Variants in EXOC4 observed in about 807,000 individuals in gnomAD.
EXOC4 encodes exocyst complex component 4.
In EXOC4, 71 loss-of-function variants were observed where a neutral mutation model predicts 107.2. That is an observed-to-expected ratio of 0.66 (90% CI 0.55 to 0.81). The LOEUF is 0.81. Ranked by LOEUF, EXOC4 falls within the 30% of genes least tolerant of loss-of-function variation. The pLI is 0.00. For missense variants in EXOC4, 1,108 were observed against 1,189.6 expected (o/e 0.93, Z 1.01); for synonymous variants, 456 against 441.2 (o/e 1.03, Z -0.42).
chr7:134,032,094 T>C (rs966845879), intron 17 of EXOC4, among the ~76,000 whole-genome samples: 2 of 152,216 alleles, frequency 1.3e-5, no homozygotes, highest in Admixed American at 1.3e-4. Flanking sequence ...TTCAGAGATG[T>C]TGACAAAGGC....
chr7:133,369,540 C>A (rs1365790827), intron 6 of EXOC4, among the ~76,000 whole-genome samples: 1 of 152,056 alleles, frequency 6.6e-6, no homozygotes, highest in Non-Finnish European at 1.5e-5. Flanking sequence ...TGGCTTCCTT[C>A]TTCCTCTCTA....
chr7:133,534,050 G>A (rs1563099509), intron 9 of EXOC4, among the ~76,000 whole-genome samples: 1 of 152,112 alleles, frequency 6.6e-6, no homozygotes, highest in African/African-American at 2.4e-5. Context: ...CTCAGTTTAG[G>A]TCAGAGAATT....
At chr7:133,704,286 G>A (rs1794723573) in intron 10 of EXOC4, among the ~76,000 whole-genome samples, 1 of 152,026 alleles carries the variant, frequency 6.6e-6, no homozygotes, top group Non-Finnish European at 1.5e-5. Context: ...CAGTGTTTTT[G>A]TATTTTTCGT....
chr7:133,952,768 G>T (rs1256915591), intron 14 of EXOC4, among the ~76,000 whole-genome samples: 1 of 152,132 alleles, frequency 6.6e-6, no homozygotes, highest in Non-Finnish European at 1.5e-5. Flanking sequence ...TGACTGACTT[G>T]TTTTGTTTAG....
chr7:133,523,453 T>TA (rs1265158313), intron 9 of EXOC4, among the ~76,000 whole-genome samples: 1 of 151,034 alleles, frequency 6.6e-6, no homozygotes, highest in Admixed American at 6.6e-5. Flanking sequence ...TTTTTTTTTT[T>TA]AATTATACTT....
chr7:133,588,740 A>G (rs1194283256), intron 9 of EXOC4, among the ~76,000 whole-genome samples: 1 of 152,102 alleles, frequency 6.6e-6, no homozygotes, highest in Non-Finnish European at 1.5e-5. Flanking sequence ...TAAAAATACA[A>G]AAATTAGCTG....
intron 2 of EXOC4, among the ~76,000 whole-genome samples, chr7:133,281,281 A>G (rs1330474847): frequency 7.0e-6 from 1 of 143,346 alleles, no homozygotes; most frequent in Non-Finnish European, 1.5e-5. Context: ...CTTAAAGTGT[A>G]ATAATAAAAA....
At chr7:133,432,323 C>T (rs1797874017) in intron 7 of EXOC4, among the ~76,000 whole-genome samples, 1 of 152,126 alleles carries the variant, frequency 6.6e-6, no homozygotes, top group African/African-American at 2.4e-5. Context: ...GCTCACTTTA[C>T]TCATTTGTAA....
At chr7:133,253,239 C>T in intron 1 of EXOC4, 52 bp downstream of exon 1, 1 of 1,592,956 alleles carries the variant, frequency 6.3e-7, no homozygotes, top group Non-Finnish European at 8.6e-7. Flanking sequence ...GGCTCGACCT[C>T]CGCTTTGGAA....
Position 133,442,572 on chromosome 7 carries a change from C to A in EXOC4, c.1183-32756C>A, listed in dbSNP as rs568880612. Among the ~76,000 whole-genome samples, 628 of 151,966 alleles carry A rather than the reference C, an allele frequency of 4.1e-3. 14 individuals are homozygous for A. Among genetic ancestry groups the A allele is most frequent in the Non-Finnish European group, 2.4e-3 (164 of 67,972 alleles). On this transcript the variant is annotated intron_variant, in intron 7 of 17. Transcript: ENST00000253861. ...CAGGCTAGTGGGGATGGGGAATGGA[C>A]AAGAGAAGAGCTTGTGGGGTGGTAT...
chr7:134,093,243 C>T, the EXOC4 span, among the ~76,000 whole-genome samples: 1 of 151,696 alleles, frequency 6.6e-6, no homozygotes, highest in Non-Finnish European at 1.5e-5. Flanking sequence ...CCATGCAAAA[C>T]AAAACAAAAC....
intron 9 of EXOC4, among the ~76,000 whole-genome samples, chr7:133,548,459 T>C (rs953667978): frequency 1.3e-4 from 20 of 152,300 alleles, no homozygotes; most frequent in African/African-American, 4.6e-4. Context: ...TCTCTCTAGC[T>C]CTGAAAAGTT....
intron 14 of EXOC4, among the ~76,000 whole-genome samples, chr7:133,947,377 C>G (rs1375151917): frequency 6.6e-6 from 1 of 152,140 alleles, no homozygotes; most frequent in Non-Finnish European, 1.5e-5. Context: ...AAATCATTTC[C>G]AGTAAATCAT....
downstream of EXOC4, among the ~76,000 whole-genome samples, chr7:134,067,022 C>T (rs183177303): frequency 9.9e-5 from 15 of 151,880 alleles, no homozygotes; most frequent in East Asian, 2.9e-3. Flanking sequence ...TGGTGGTGCA[C>T]ACCTGTAATC....
rs1349777678 is a variant in EXOC4 at position 133,604,706 on chromosome 7, CTTTCTTTTTTTTTT to C, written c.1418-25335_1418-25322del. Among the ~76,000 whole-genome samples the C allele has an allele frequency of 7.4e-4, 65 of 87,558 alleles. 1 individual carries two copies. Among genetic ancestry groups the C allele is most frequent in the African/African-American group, 2.4e-3 (55 of 22,718 alleles). 57.4% of individuals were successfully genotyped at this position (87,558 alleles called of 152,430 possible). A position where few individuals can be genotyped will look rare whatever the true frequency, so the allele number is the denominator to read the frequency against. On this transcript the variant is annotated intron_variant, in intron 9 of 17. Transcript: ENST00000253861. ...TTTTTCTTTCCTTCCTTCCTTCCTT[CTTTCTTTTTTTTTT>C]TTTTTTTTTTTTTTTTTTTTTGAGG...
intron 12 of EXOC4, among the ~76,000 whole-genome samples, chr7:133,915,390 T>A (rs1027642830): frequency 2.6e-5 from 4 of 152,170 alleles, no homozygotes; most frequent in East Asian, 1.9e-4. Context: ...TGGAAATTAA[T>A]GAGGATGAAG....
intron 10 of EXOC4, among the ~76,000 whole-genome samples, chr7:133,652,789 T>C (rs1803193731): frequency 6.6e-6 from 1 of 152,186 alleles, no homozygotes; most frequent in Non-Finnish European, 1.5e-5. Context: ...CAAACTCTCA[T>C]CATCATCATC....
At chr7:133,298,569 T>G (rs1384941661) in intron 3 of EXOC4, among the ~76,000 whole-genome samples, 3 of 152,172 alleles carry the variant, frequency 2.0e-5, no homozygotes, top group Admixed American at 2.0e-4. Context: ...GAAGGGACCA[T>G]GAGGTTAGGA....
intron 9 of EXOC4, chr7:133,484,291 T>C (rs1175378272): frequency 5.3e-6 from 5 of 936,316 alleles, no homozygotes; most frequent in South Asian, 4.3e-5. Flanking sequence ...GCAGTTGGGC[T>C]GCGGAGATGT....
Sources: allele counts gnomAD v4.1 joint callset (sites outside exome capture counted in the v4.1 genomes callset), GRCh38; gene constraint gnomAD v4.1.1; transcripts MANE v1.5; gene names NCBI Gene and HGNC (gene_info 2026-07-23, HGNC 2026-07-21).